AHNAK: variants seen among roughly 807,000 people sequenced by gnomAD.
AHNAK encodes AHNAK nucleoprotein.
AHNAK carries 23 observed loss-of-function variants against 37.8 expected under a neutral mutation model. That is an observed-to-expected ratio of 0.61 (90% CI 0.44 to 0.86). The LOEUF is 0.86. Ranked by LOEUF, AHNAK falls within the 40% of genes least tolerant of loss-of-function variation. AHNAK has a pLI of 0.00. For synonymous variants in AHNAK, 2,481 were observed against 2,636.3 expected, an observed-to-expected ratio of 0.94 and a Z score of 1.80; for missense variants, 7,411 against 7,319.4, an observed-to-expected ratio of 1.01 and a Z score of -0.46.
Position 62,533,349 on chromosome 11 carries a change from G to A in AHNAK, c.1068C>T (p.Val356=). ...GLTIQAPQLE[V]SVPSANIEGL... ...CCTCAATATTGGCAGAGGGCACACT[G>A]ACTTCCAGCTGAGGGGCTTGGATAG... The change falls in exon 5 of 5, where the codon GTC becomes GTT. Residue 356 remains valine (V), a synonymous_variant. Coordinates refer to ENST00000378024, the MANE Select transcript of AHNAK (RefSeq NM_001620.3). 6.4e-7 allele frequency: 1 copy of A among 1,561,140 alleles called. No individual in the cohort carries two copies. Among genetic ancestry groups the A allele is most frequent in the East Asian group, 2.2e-5 (1 of 44,658 alleles).
chr11:62,518,750 C>G lies in AHNAK; in HGVS notation c.15667G>C (p.Asp5223His), dbSNP rs374425138. The G allele has an allele frequency of 4.3e-6, 7 of 1,614,114 alleles. No homozygotes were observed. The highest frequency in any genetic ancestry group is 5.9e-6 in the Non-Finnish European group (7 of 1,180,056). Reference sequence around the variant, plus strand: ...ATTTTTGCTTCTGGACCTTGCAGATCTACATCTGGTCCTTCCAGTCCCACG... The same window carrying G: ...ATTTTTGCTTCTGGACCTTGCAGATGTACATCTGGTCCTTCCAGTCCCACG... ...PSVGLEGPDV[D>H]LQGPEAKIKF... Residue 5223 changes from aspartate to histidine, a missense_variant, in exon 5 of 5, where the codon GAT (aspartate) becomes CAT (histidine). By Grantham distance (81) the Asp-to-His change is moderately conservative. Coordinates refer to ENST00000378024, the MANE Select transcript of AHNAK (RefSeq NM_001620.3).
At chr11:62,477,258 T>A (rs1590614291) in intron 5 of AHNAK, among the ~76,000 whole-genome samples, 1 of 152,340 alleles carries the variant, frequency 6.6e-6, no homozygotes. Context: ...GTGTTGATTG[T>A]AACGCTTCCT....
chr11:62,497,072 G>A (rs1226515750), intron 4 of AHNAK, among the ~76,000 whole-genome samples: 1 of 152,078 alleles, frequency 6.6e-6, no homozygotes, highest in Non-Finnish European at 1.5e-5. Flanking sequence ...GTGATGCGTG[G>A]GCCTTGAAAA....
At position 62,526,895 on chromosome 11, in the gene AHNAK, G is replaced by T. The variant is rs779360176; in HGVS notation, c.7522C>A (p.Leu2508Met). Residue 2508 changes from leucine (L) to methionine (M), a missense_variant, in exon 5 of 5, where the codon CTG becomes ATG. Transcript: ENST00000378024. ...GGCATTTTCATCTTGGGCATCTTCA[G>T]GTGCCAGTCTGGAGCTTGGACATCG... Reference protein sequence around the residue: ...APDVQAPDWHLKMPKMKMPKF... With the variant: ...APDVQAPDWHMKMPKMKMPKF... The T allele has an allele frequency of 6.2e-7, 1 of 1,614,200 alleles. No individual in the cohort carries two copies. The highest frequency in any genetic ancestry group is 8.5e-7 in the Non-Finnish European group (1 of 1,180,046).
chr11:62,447,326 T>C (rs1448485171), intron 5 of AHNAK, among the ~76,000 whole-genome samples: 5 of 152,182 alleles, frequency 3.3e-5, no homozygotes, highest in African/African-American at 1.2e-4. Context: ...AGCAAGCATG[T>C]GTCCTTCTGC....
intron 5 of AHNAK, among the ~76,000 whole-genome samples, chr11:62,458,309 G>A (rs1372525305): frequency 6.6e-6 from 1 of 152,030 alleles, no homozygotes; most frequent in Non-Finnish European, 1.5e-5. Context: ...ATAAGAACAG[G>A]ACCACTTCTT....
intron 5 of AHNAK, among the ~76,000 whole-genome samples, chr11:62,459,183 C>T (rs1055232317): frequency 2.6e-5 from 4 of 152,188 alleles, no homozygotes; most frequent in African/African-American, 7.2e-5. Flanking sequence ...TAGTGGAATG[C>T]ACCACAAATG....
At chr11:62,443,690 C>T (rs529382393) in intron 5 of AHNAK, among the ~76,000 whole-genome samples, 18 of 152,284 alleles carry the variant, frequency 1.2e-4, no homozygotes, top group African/African-American at 4.3e-4. Flanking sequence ...GCCCCATAGA[C>T]TTGAAAGTCA....
chr11:62,494,805 G>A (rs1939576465), intron 4 of AHNAK, among the ~76,000 whole-genome samples: 1 of 152,000 alleles, frequency 6.6e-6, no homozygotes, highest in African/African-American at 2.4e-5. Flanking sequence ...GAAGTCAGGA[G>A]TTCAAGACCA....
Position 62,486,815 on chromosome 11 carries a change from C to T in AHNAK, c.442+4917G>A, listed in dbSNP as rs771072336. Among the ~76,000 whole-genome samples the T allele has an allele frequency of 3.1e-4, 47 of 151,776 alleles. 1 individual carries two copies. The highest frequency in any genetic ancestry group is 2.9e-4 in the Non-Finnish European group (20 of 67,922). On this transcript the variant is annotated intron_variant, in intron 5 of 5. Transcript: ENST00000257247. ...CACAGATTGGCCCACTGGCAAGGGTCCTATGAGGTTTTAGAGGTTTATAAA... is the reference window on the plus strand; with the variant it reads ...CACAGATTGGCCCACTGGCAAGGGTTCTATGAGGTTTTAGAGGTTTATAAA...
chr11:62,523,672 G>C lies in AHNAK; in HGVS notation c.10745C>G (p.Pro3582Arg). Residue 3582 changes from proline (P) to arginine (R), a missense_variant, in exon 5 of 5, where the codon CCT becomes CGT. Coordinates refer to ENST00000378024, the MANE Select transcript of AHNAK (RefSeq NM_001620.3). ...ATCTGGGGCATTGATGTCCACTTTA[G>C]GGCCTTTGATATCAACCTCTGGCCC... Reference protein sequence around the residue: ...LKGPEVDIKGPKVDINAPDVD... With the variant: ...LKGPEVDIKGRKVDINAPDVD... 6.2e-7 allele frequency: 1 copy of C among 1,613,906 alleles called. No individual in the cohort carries two copies. Among genetic ancestry groups the C allele is most frequent in the South Asian group, 1.1e-5 (1 of 91,058 alleles).
At position 62,525,379 on chromosome 11, in the gene AHNAK, A is replaced by G; in HGVS notation, c.9038T>C (p.Val3013Ala). The G allele has an allele frequency of 6.2e-7, 1 of 1,612,784 alleles. No homozygotes were observed. The highest frequency in any genetic ancestry group is 8.5e-7 in the Non-Finnish European group (1 of 1,179,734). ...TTTTAGGTGCCAGTCTGGGCCTTGA[A>G]CGCCCACATCCGGGACATCAATGTC... ...QVDIDVPDVG[V>A]QGPDWHLKMP... Residue 3013 changes from valine to alanine, a missense_variant, in exon 5 of 5, where the codon GTT (valine) becomes GCT (alanine). By Grantham distance (64) the Val-to-Ala change is moderately conservative. Transcript: ENST00000378024.
In AHNAK at chr11:62,532,630, C is replaced by G. The variant is rs370183408; in HGVS notation, c.1787G>C (p.Gly596Ala). 1.2e-6 allele frequency: 2 copies of G among 1,611,650 alleles called. No homozygotes were observed. Among genetic ancestry groups the G allele is most frequent in the South Asian group, 2.2e-5 (2 of 90,984 alleles). ...GVDVTLPRVE[G>A]KVKVPEVDVR... ...ATCAACTTCAGGGACTTTGACTTTC[C>G]CTTCTACTCTGGGGAGTGTGACATC... is the stretch of plus-strand genomic sequence containing the variant. The change falls in exon 5 of 5, where the codon GGG becomes GCG. Residue 596 changes from glycine (G) to alanine (A), a missense_variant. Gly to Ala is a moderately conservative substitution (Grantham distance 60, BLOSUM62 0). Coordinates refer to ENST00000378024, the MANE Select transcript of AHNAK (RefSeq NM_001620.3).
chr11:62,501,643 A>G (rs7124044), intron 4 of AHNAK, among the ~76,000 whole-genome samples: 21,519 of 152,244 alleles, frequency 0.14, 3,675 homozygotes, highest in African/African-American at 0.41. Flanking sequence ...TGATGTGAGC[A>G]CTTTGCTCTC....
At chr11:62,541,494 G>A (rs923358862) in intron 1 of AHNAK, among the ~76,000 whole-genome samples, 3 of 152,176 alleles carry the variant, frequency 2.0e-5, no homozygotes, top group Admixed American at 6.5e-5. Context: ...AGGAGGAGAG[G>A]GAGGCTATTC....
intron 5 of AHNAK, among the ~76,000 whole-genome samples, chr11:62,488,294 C>T (rs989418694): frequency 2.0e-5 from 3 of 152,124 alleles, no homozygotes; most frequent in African/African-American, 7.2e-5. Context: ...AAAAGTGCTG[C>T]ATTTGGCAAC....
intron 5 of AHNAK, among the ~76,000 whole-genome samples, chr11:62,486,036 A>AG (rs1565210614): frequency 6.6e-6 from 1 of 151,092 alleles, no homozygotes; most frequent in Admixed American, 6.6e-5. Context: ...AAAAAAAAAA[A>AG]AAAGAGAGAG....
chr11:62,537,707 G>T (rs1321296545), intron 1 of AHNAK, among the ~76,000 whole-genome samples: 2 of 150,952 alleles, frequency 1.3e-5, no homozygotes, highest in African/African-American at 2.4e-5. Context: ...TTTTGAGACG[G>T]AATCTCACTT....
Position 62,526,365 on chromosome 11 carries a change from T to C in AHNAK, c.8052A>G (p.Glu2684=). The C allele has an allele frequency of 1.9e-6, 3 of 1,611,384 alleles. No individual in the cohort carries two copies. The highest frequency in any genetic ancestry group is 2.5e-6 in the Non-Finnish European group (3 of 1,179,290). The change falls in exon 5 of 5, where the codon GAA becomes GAG. Residue 2684 remains glutamate, a synonymous_variant. Transcript: ENST00000378024. ...VDIEGPDVNI[E]GPEGKLKGPK... is the part of the protein sequence containing the mutation. ...GCCCTTTCAACTTTCCCTCTGGTCC[T>C]TCAATGTTAACATCAGGGCCTTCAA...
Sources: gnomAD v4.1 joint callset for allele counts (sites outside exome capture counted in the v4.1 genomes callset) on GRCh38, gnomAD v4.1.1 for gene constraint, MANE v1.5 for transcripts, NCBI Gene and HGNC (gene_info 2026-07-23, HGNC 2026-07-21) for gene names.